The following PCDHGB3 variants were observed in gnomAD, a reference collection of about 807,000 sequenced individuals.
PCDHGB3 encodes the protein protocadherin gamma subfamily B, 3, also known as protocadherin gamma-B3.
In PCDHGB3, 40 loss-of-function variants were observed where a neutral mutation model predicts 59.2. That is an observed-to-expected ratio of 0.68 (90% confidence interval 0.52 to 0.88). PCDHGB3 has a LOEUF of 0.88. Ranked by LOEUF, PCDHGB3 falls within the 40% of genes least tolerant of loss-of-function variation. PCDHGB3 has a pLI of 0.00. For missense variants in PCDHGB3, 1,309 were observed against 1,187.9 expected (o/e 1.10, Z -1.50); for synonymous variants, 581 against 503.6 (o/e 1.15, Z -2.06).
At chr5:141,375,602 A>G (rs1237264318) in intron 1 of PCDHGB3, 5 of 1,614,120 alleles carry the variant, frequency 3.1e-6, no homozygotes, top group African/African-American at 1.3e-5. Flanking sequence ...CTACGTGTCC[A>G]TCAACTCCGA....
In PCDHGB3 at chr5:141,375,335, T is replaced by A. The variant is rs781205937; in HGVS notation, c.2415+2526T>A. On this transcript the variant is annotated intron_variant, in intron 1 of 3. Transcript: ENST00000576222. ...TCTAGACCGGGAAGAGGTATTCTTG[T>A]ACAACATCACTGTGACAGCCACGGA... is the stretch of plus-strand genomic sequence containing the variant. 1.7e-5 allele frequency: 27 copies of A among 1,613,694 alleles called. No homozygotes were observed. The Admixed American group carries it at 3.8e-4, about 23-fold the overall frequency.
intron 1 of PCDHGB3, chr5:141,413,804 CCATTCACCACCTGGTCCTCA>C: frequency 1.2e-6 from 2 of 1,613,194 alleles, no homozygotes; most frequent in Non-Finnish European, 1.7e-6. Flanking sequence ...GAGGAAGAGG[CCATTCACCACCTGGTCCTCA>C]CCGCCTCCGA....
chr5:141,478,590 A>T, intron 1 of PCDHGB3: 1 of 1,573,342 alleles, frequency 6.4e-7, no homozygotes, highest in South Asian at 1.1e-5. Flanking sequence ...GTGCTTTTTT[A>T]TTCCTACATC....
chr5:141,392,060 G>A (rs537832041), intron 1 of PCDHGB3: 11 of 151,956 alleles, frequency 7.2e-5, no homozygotes, highest in Non-Finnish European at 1.5e-4. Context: ...AAATATTATC[G>A]ACATGTAATT....
intron 1 of PCDHGB3, among the ~76,000 whole-genome samples, chr5:141,472,889 G>A (rs1163806093): frequency 6.6e-6 from 1 of 151,392 alleles, no homozygotes; most frequent in Non-Finnish European, 1.5e-5. Context: ...GGGAGGCTGA[G>A]GCAGGAGAAT....
chr5:141,418,264 A>C, intron 1 of PCDHGB3: 1 of 1,614,082 alleles, frequency 6.2e-7, no homozygotes, highest in Non-Finnish European at 8.5e-7. Flanking sequence ...AATTCCGGAA[A>C]GATGAAATAA....
At chr5:141,464,156 T>C (rs2099077051) in intron 1 of PCDHGB3, among the ~76,000 whole-genome samples, 2 of 151,752 alleles carry the variant, frequency 1.3e-5, no homozygotes, top group Non-Finnish European at 1.5e-5. Context: ...TCCCAGCTAC[T>C]TGGAAGGCTG....
At position 141,432,065 on chromosome 5, in the gene PCDHGB3, AC is replaced by A; in HGVS notation, c.2415+59257del. 1.2e-6 allele frequency: 2 copies of A among 1,614,048 alleles called. No homozygotes were observed. The highest frequency in any genetic ancestry group is 1.7e-6 in the Non-Finnish European group (2 of 1,180,006). On this transcript the variant is annotated intron_variant, in intron 1 of 3. Transcript: ENST00000576222. The surrounding 1 kb of genome is among the most constrained non-coding windows in gnomAD (Gnocchi z 6.0). ...GGGAACCCCGCCCCTATCCACGGAA[AC>A]TCATATCTCGCTGAACGTGGCAGAC...
chr5:141,393,434 T>C (rs1554093883), intron 1 of PCDHGB3: 5 of 1,613,902 alleles, frequency 3.1e-6, no homozygotes, highest in South Asian at 1.1e-5. Flanking sequence ...AAGAGGCTGC[T>C]CACCACCTGG....
At chr5:141,426,826 T>C (rs2096963111) in intron 1 of PCDHGB3, 1 of 456,600 alleles carries the variant, frequency 2.2e-6, no homozygotes, top group Admixed American at 2.3e-5. Flanking sequence ...TCTCTGATGA[T>C]GGACAAGACT....
Position 141,486,683 on chromosome 5 carries a change from G to T in PCDHGB3, c.2416-8124G>T. The T allele has an allele frequency of 6.2e-7, 1 of 1,614,092 alleles. No homozygotes were observed. Among genetic ancestry groups the T allele is most frequent in the Non-Finnish European group, 8.5e-7 (1 of 1,180,026 alleles). ...GGAGCCCAGGAATCGAGATGTATCA[G>T]CTTCCTCTTTCATCTCTCTGAACCC... On this transcript the variant is annotated intron_variant, in intron 1 of 3. Transcript: ENST00000576222. This position sits in a 1 kb window ranked among gnomAD's most constrained non-coding sequence, Gnocchi z 5.0.
intron 1 of PCDHGB3, chr5:141,414,308 T>C: frequency 6.2e-7 from 1 of 1,613,764 alleles, no homozygotes; most frequent in Non-Finnish European, 8.5e-7. Context: ...GTGCATGATT[T>C]AGACTCTGAG....
rs1014758036 is a variant in PCDHGB3 at position 141,486,472 on chromosome 5, T to C, written c.2416-8335T>C. The C allele has an allele frequency of 6.2e-7, 1 of 1,614,032 alleles. No homozygotes were observed. Among genetic ancestry groups the C allele is most frequent in the Non-Finnish European group, 8.5e-7 (1 of 1,179,862 alleles). ...TCACTGCTTCTGATGCTGGGAACCC[T>C]CCTCTCAGTACCCACAGAACTATTT... On this transcript the variant is annotated intron_variant, in intron 1 of 3. Coordinates refer to ENST00000576222, the MANE Select transcript of PCDHGB3 (RefSeq NM_018924.5). This position sits in a 1 kb window ranked among gnomAD's most constrained non-coding sequence, Gnocchi z 5.0.
intron 1 of PCDHGB3, chr5:141,427,240 C>G (rs1447231420): frequency 1.3e-5 from 6 of 456,536 alleles, no homozygotes; most frequent in Non-Finnish European, 2.6e-5. Context: ...AGAGTAGAAG[C>G]TAAGGATGGT....
Position 141,371,049 on chromosome 5 carries a change from G to T in PCDHGB3, c.655G>T (p.Glu219Ter). Residue 219 changes from glutamate to a stop codon, truncating the protein, a stop_gained, in exon 1 of 4, where the codon GAG (glutamate) becomes TAG (stop). Transcript: ENST00000576222. LOFTEE classifies it high-confidence loss of function. ...HLVLTAVDGGEPSRSCTTQIR... is the reference protein window; with the variant it reads ...HLVLTAVDGG ...GGTCCTCACAGCTGTGGATGGGGGCGAGCCCTCCAGAAGCTGTACCACCCA... is the reference window on the plus strand; with the variant it reads ...GGTCCTCACAGCTGTGGATGGGGGCTAGCCCTCCAGAAGCTGTACCACCCA... The T allele has an allele frequency of 6.2e-7, 1 of 1,613,942 alleles. No individual in the cohort carries two copies. The highest frequency in any genetic ancestry group is 8.5e-7 in the Non-Finnish European group (1 of 1,179,874).
chr5:141,434,449 G>C (rs1392115883), intron 1 of PCDHGB3, among the ~76,000 whole-genome samples: 1 of 152,232 alleles, frequency 6.6e-6, no homozygotes, highest in Non-Finnish European at 1.5e-5. Context: ...ATGCTGGAAG[G>C]TAGTGGGTTT....
chr5:141,372,589 GCTTCA>G lies in PCDHGB3; in HGVS notation c.2196_2200del (p.Cys732Ter). ...GAGGGCTACTTTCAGCCTGGTGTCT[GCTTCA>G]AGACTGTACCTGGAGTTCTCCCCAC... On this transcript the variant is annotated stop_gained and frameshift_variant, in exon 1 of 4. Transcript: ENST00000576222. LOFTEE classifies it high-confidence loss of function. 6.2e-7 allele frequency: 1 copy of G among 1,614,030 alleles called. No homozygotes were observed. Among genetic ancestry groups the G allele is most frequent in the Non-Finnish European group, 8.5e-7 (1 of 1,179,904 alleles).
chr5:141,383,987 G>T, intron 1 of PCDHGB3: 6 of 1,613,730 alleles, frequency 3.7e-6, no homozygotes, highest in Non-Finnish European at 5.1e-6. Flanking sequence ...ACACCTCTTG[G>T]GACAGTCATT....
chr5:141,393,475 C>G lies in PCDHGB3; in HGVS notation c.2415+20666C>G, dbSNP rs200282311. The G allele has an allele frequency of 1.2e-3, 1,881 of 1,614,046 alleles. 9 individuals are homozygous for G. Among genetic ancestry groups the G allele is most frequent in the South Asian group, 3.4e-3 (312 of 91,088 alleles). On this transcript the variant is annotated intron_variant, in intron 1 of 3. Coordinates refer to ENST00000576222, the MANE Select transcript of PCDHGB3 (RefSeq NM_018924.5). ...ACGGCCTCGGATGGCGGCAAGCCGC[C>G]TCGCTCTAGCACAGTGCGCATCCAC... is the stretch of plus-strand genomic sequence containing the variant.
Sources: allele counts gnomAD v4.1 joint callset (sites outside exome capture counted in the v4.1 genomes callset), GRCh38; gene constraint gnomAD v4.1.1; non-coding constraint Gnocchi (gnomAD v3.1); transcripts MANE v1.5; gene names NCBI Gene and HGNC (gene_info 2026-07-23, HGNC 2026-07-21).